The following FGF12 variants were observed in gnomAD, a reference collection of about 807,000 sequenced individuals.
The protein encoded by FGF12 is fibroblast growth factor 12, also known as fibroblast growth factor 12B.
A neutral mutation model predicts 23.6 loss-of-function variants in FGF12; 14 were observed. The ratio of observed to expected loss-of-function variants is 0.59; its 90% CI spans 0.39 to 0.93. The LOEUF is 0.93. Ranked by LOEUF, FGF12 falls within the 40% of genes least tolerant of loss-of-function variation. The pLI is 0.00. For synonymous variants in FGF12, 62 were observed against 77.3 expected (o/e 0.80, Z 1.04); for missense variants, 175 against 217.8 (o/e 0.80, Z 1.24).
intron 2 of FGF12, among the ~76,000 whole-genome samples, chr3:192,374,256 A>G (rs2108746374): frequency 1.3e-5 from 2 of 152,348 alleles, no homozygotes; most frequent in South Asian, 4.1e-4. Flanking sequence ...TAGTGACCAC[A>G]TAAGATGAAA....
At chr3:192,273,946 C>T (rs1160646156) in intron 4 of FGF12, among the ~76,000 whole-genome samples, 3 of 151,796 alleles carry the variant, frequency 2.0e-5, no homozygotes, top group African/African-American at 4.8e-5. Flanking sequence ...GTGAAAAATG[C>T]CTGTCATCAG....
chr3:192,250,998 A>G (rs1194019332), intron 4 of FGF12, among the ~76,000 whole-genome samples: 2 of 152,182 alleles, frequency 1.3e-5, no homozygotes, highest in Non-Finnish European at 2.9e-5. Flanking sequence ...TATTATATTT[A>G]TTCTAGGACA....
chr3:192,721,864 T>C (rs1313083186), intron 2 of FGF12, among the ~76,000 whole-genome samples: 2 of 152,182 alleles, frequency 1.3e-5, no homozygotes, highest in African/African-American at 4.8e-5. Context: ...ATTATTGCTG[T>C]GGAATGTTAA....
chr3:192,366,869 T>G (rs73889308), intron 2 of FGF12, among the ~76,000 whole-genome samples: 1 of 152,264 alleles, frequency 6.6e-6, no homozygotes, highest in East Asian at 1.9e-4. Flanking sequence ...CAATTTGTTC[T>G]GAGTGGCTCC....
intron 2 of FGF12, among the ~76,000 whole-genome samples, chr3:192,403,475 G>A (rs147644583): frequency 1.4e-3 from 215 of 151,418 alleles, no homozygotes; most frequent in African/African-American, 5.0e-3. Context: ...AGAGAGAACC[G>A]AATTTTAAAA....
At chr3:192,235,269 G>A (rs1035428732) in intron 4 of FGF12, among the ~76,000 whole-genome samples, 1 of 151,982 alleles carries the variant, frequency 6.6e-6, no homozygotes, top group East Asian at 1.9e-4. Flanking sequence ...TTCAATCTTC[G>A]GAGGTTGTAT....
chr3:192,386,468 C>G (rs1232307335), intron 2 of FGF12, among the ~76,000 whole-genome samples: 1 of 152,106 alleles, frequency 6.6e-6, no homozygotes, highest in Non-Finnish European at 1.5e-5. Flanking sequence ...GAATGCAATA[C>G]TTATAAACCT....
At position 192,354,351 on chromosome 3, in the gene FGF12, TAGG is replaced by T. The variant is rs1449138538; in HGVS notation, c.124+6074_124+6076del. On this transcript the variant is annotated intron_variant, in intron 3 of 5. Transcript: ENST00000445105. ...AGAATACGTTACAAAAAACAAAACATAGGAGACTTTTTAAATAATTTTGGATAA... is the reference window on the plus strand; with the variant it reads ...AGAATACGTTACAAAAAACAAAACATAGACTTTTTAAATAATTTTGGATAA... 4.6e-5 allele frequency among the ~76,000 whole-genome samples: 7 copies of T among 151,812 alleles called. No individual in the cohort carries two copies. The East Asian group carries it at 1.4e-3, about 30-fold the overall frequency.
chr3:192,686,814 A>ATT (rs1717756509), intron 2 of FGF12, among the ~76,000 whole-genome samples: 4 of 107,028 alleles, frequency 3.7e-5, no homozygotes, highest in African/African-American at 1.7e-4. Context: ...TTTTTTCTCT[A>ATT]ATTTTTTTTT....
chr3:192,656,076 A>G (rs1716406263), intron 2 of FGF12, among the ~76,000 whole-genome samples: 2 of 151,208 alleles, frequency 1.3e-5, no homozygotes, highest in Non-Finnish European at 2.9e-5. Flanking sequence ...TTTTCCTTGC[A>G]GTACCTAGCA....
chr3:192,189,888 T>C (rs1218728021), intron 4 of FGF12, among the ~76,000 whole-genome samples: 1 of 152,106 alleles, frequency 6.6e-6, no homozygotes, highest in Admixed American at 6.5e-5. Context: ...AGTCCCTCCC[T>C]TTCCTCTTTC....
chr3:192,141,127 C>CAAAAAAAAAAAAAAAAAAA lies in FGF12; in HGVS notation c.*2881_*2882insTTTTTTTTTTTTTTTTTTT, dbSNP rs1396299359. The CAAAAAAAAAAAAAAAAAAA allele has an allele frequency of 7.1e-3, 156 of 21,832 alleles. 11 individuals are homozygous for CAAAAAAAAAAAAAAAAAAA. The highest frequency in any genetic ancestry group is 8.6e-3 in the Admixed American group (12 of 1,402). The allele number at this position is 21,832 out of a possible 1,614,324, so 1.4% of individuals were successfully genotyped here. The stretch of plus-strand genomic sequence containing the variant: ...TCCTGGGAAAAATCCCAATGCAACT[C>CAAAAAAAAAAAAAAAAAAA]CAAAAAAAAAAAAAAAAAAAAAAAA... On this transcript the variant is annotated 3_prime_UTR_variant, in exon 6 of 6. Coordinates refer to ENST00000445105, the MANE Select transcript of FGF12 (RefSeq NM_004113.6).
intron 2 of FGF12, among the ~76,000 whole-genome samples, chr3:192,559,420 A>C (rs145866771): frequency 9.2e-5 from 14 of 152,066 alleles, no homozygotes; most frequent in African/African-American, 2.9e-4. Flanking sequence ...AGGGATAGGG[A>C]GGGGTAAACA....
intron 4 of FGF12, among the ~76,000 whole-genome samples, chr3:192,266,760 C>T (rs1713101625): frequency 1.3e-5 from 2 of 151,590 alleles, no homozygotes; most frequent in Non-Finnish European, 2.9e-5. Context: ...TTATTAACCA[C>T]GTTCTTTTCA....
intron 2 of FGF12, among the ~76,000 whole-genome samples, chr3:192,424,911 A>G (rs971553045): frequency 7.9e-5 from 12 of 152,226 alleles, no homozygotes; most frequent in African/African-American, 2.9e-4. Context: ...TACAATATAC[A>G]TATGTTTATA....
chr3:192,444,866 A>G (rs914075751), intron 2 of FGF12, among the ~76,000 whole-genome samples: 3 of 152,252 alleles, frequency 2.0e-5, no homozygotes, highest in African/African-American at 7.2e-5. Flanking sequence ...TTCTCTGAGT[A>G]GCAGGAGAAA....
At chr3:192,588,607 A>G (rs1713490432) in intron 2 of FGF12, among the ~76,000 whole-genome samples, 1 of 151,904 alleles carries the variant, frequency 6.6e-6, no homozygotes, top group Non-Finnish European at 1.5e-5. Flanking sequence ...GTGTTATTTT[A>G]CATATATCAA....
chr3:192,214,627 A>G (rs1213089085), intron 4 of FGF12, among the ~76,000 whole-genome samples: 1 of 152,240 alleles, frequency 6.6e-6, no homozygotes, highest in African/African-American at 2.4e-5. Flanking sequence ...ATGATGAAGC[A>G]ACTTACCCAC....
intron 2 of FGF12, among the ~76,000 whole-genome samples, chr3:192,395,594 G>A (rs1051308829): frequency 6.6e-6 from 1 of 152,186 alleles, no homozygotes; most frequent in Non-Finnish European, 1.5e-5. Flanking sequence ...TATGTAGAAA[G>A]CATTGAAATG....
Sources: allele counts gnomAD v4.1 joint callset (sites outside exome capture counted in the v4.1 genomes callset), GRCh38; gene constraint gnomAD v4.1.1; transcripts MANE v1.5; gene names NCBI Gene and HGNC (gene_info 2026-07-23, HGNC 2026-07-21).